The following ZNF532 variants were observed in gnomAD, a reference collection of about 807,000 sequenced individuals.
The protein encoded by ZNF532 is zinc finger protein 532.
Under a neutral mutation model 89.3 loss-of-function variants are expected in ZNF532, and 22 were observed. The observed-to-expected ratio is 0.25, with a 90% CI of 0.18 to 0.35. ZNF532 has a LOEUF of 0.35. Among genes scored for constraint, ZNF532 ranks in the 10% least tolerant of loss-of-function variants. The probability of loss-of-function intolerance (pLI) is 1.00; values close to 1 mark genes in which losing one functional copy is unlikely to be tolerated. For missense variants in ZNF532, 1,132 were observed against 1,643.4 expected, an observed-to-expected ratio of 0.69 and a Z score of 5.38; for synonymous variants, 606 against 649.6, an observed-to-expected ratio of 0.93 and a Z score of 1.02.
intron 2 of ZNF532, among the ~76,000 whole-genome samples, chr18:58,892,455 T>G (rs1174973995): frequency 1.3e-5 from 2 of 152,224 alleles, no homozygotes; most frequent in Non-Finnish European, 2.9e-5. Context: ...TGTATATTTA[T>G]GCTTATGTAT....
Position 58,979,090 on chromosome 18 carries a change from G to A in ZNF532, c.3186G>A (p.Lys1062=), listed in dbSNP as rs773700776. The stretch of plus-strand genomic sequence containing the variant: ...AACACCCCTGCCGCCAGTGTGACAA[G>A]TCTTTCAGCTCGTCCCACAGCCTGT... ...MKKHPCRQCD[K]SFSSSHSLCR... Residue 1062 remains lysine, a synonymous_variant, in exon 8 of 10, where the codon AAG becomes AAA. Transcript: ENST00000591808. 1 of 1,613,030 alleles carries A rather than the reference G, an allele frequency of 6.2e-7. No homozygotes were observed.
intron 7 of ZNF532, among the ~76,000 whole-genome samples, chr18:58,972,172 C>CCA (rs2066535011): frequency 6.6e-6 from 1 of 152,232 alleles, no homozygotes; most frequent in Non-Finnish European, 1.5e-5. Flanking sequence ...TACTGCACTC[C>CCA]AGCCTGGGCG....
chr18:58,963,776 C>T (rs936482346), intron 7 of ZNF532, among the ~76,000 whole-genome samples: 9 of 141,638 alleles, frequency 6.4e-5, no homozygotes, highest in East Asian at 2.0e-4. Flanking sequence ...GAGCCGCAGT[C>T]GTGTCACTGC....
intron 2 of ZNF532, among the ~76,000 whole-genome samples, chr18:58,909,770 C>CT (rs1361642937): frequency 6.6e-6 from 1 of 152,174 alleles, no homozygotes; most frequent in Non-Finnish European, 1.5e-5. Context: ...ACGGCATGCA[C>CT]TTTCATTTGG....
Position 58,918,958 on chromosome 18 carries a change from A to T in ZNF532, c.671A>T (p.Glu224Val), listed in dbSNP as rs755045661. 1 of 1,613,802 alleles carries T rather than the reference A, an allele frequency of 6.2e-7. No individual in the cohort carries two copies. The highest frequency in any genetic ancestry group is 1.1e-5 in the South Asian group (1 of 91,086). Residue 224 changes from glutamate to valine, a missense_variant, in exon 3 of 10, where the codon GAG becomes GTG. By Grantham distance (121) the Glu-to-Val change is moderately radical (BLOSUM62 -2). Around this residue, in one of 9 missense-constraint regions of ZNF532, gnomAD observed 302 missense variants for 319.8 expected, o/e 0.94. Coordinates refer to ENST00000591808, the MANE Select transcript of ZNF532 (RefSeq NM_001375912.1). ...VYEPFKVRKA[E>V]DKLKESSDKV... ...GAACCTTTTAAAGTCAGAAAAGCAG[A>T]GGATAAATTGAAGGAAAGCTCTGAC...
At chr18:58,932,578 A>G (rs948326574) in intron 3 of ZNF532, 4 of 152,104 alleles carry the variant, frequency 2.6e-5, no homozygotes, top group African/African-American at 9.7e-5. Flanking sequence ...TTCATTCATT[A>G]TATCCCCACC....
At chr18:58,941,984 C>CTCCTTCCCTTCCT (rs1555739625) in intron 5 of ZNF532, among the ~76,000 whole-genome samples, 54 of 135,212 alleles carry the variant, frequency 4.0e-4, no homozygotes, top group Admixed American at 5.2e-4. Flanking sequence ...CCCTCCTTCC[C>CTCCTTCCCTTCCT]TCCTTCCCTT....
chr18:58,913,093 A>G (rs1487169244), intron 2 of ZNF532, among the ~76,000 whole-genome samples: 1 of 152,204 alleles, frequency 6.6e-6, no homozygotes, highest in African/African-American at 2.4e-5. Flanking sequence ...AGTGGGATAA[A>G]AGCGGCAGAA....
intron 7 of ZNF532, among the ~76,000 whole-genome samples, chr18:58,972,793 A>G (rs2066603736): frequency 6.6e-6 from 1 of 152,194 alleles, no homozygotes; most frequent in South Asian, 2.1e-4. Context: ...AAATAAGCAG[A>G]GTTCCTCTGT....
intron 2 of ZNF532, among the ~76,000 whole-genome samples, chr18:58,892,002 G>A (rs958968878): frequency 5.9e-5 from 9 of 152,208 alleles, no homozygotes; most frequent in Non-Finnish European, 1.0e-4. Flanking sequence ...CTGGTTTACT[G>A]TGAAATCAAG....
chr18:58,930,013 G>C (rs1279099948), intron 3 of ZNF532, among the ~76,000 whole-genome samples: 1 of 152,142 alleles, frequency 6.6e-6, no homozygotes, highest in African/African-American at 2.4e-5. Flanking sequence ...TATTGTTTCT[G>C]CCTTTAGCTC....
intron 2 of ZNF532, among the ~76,000 whole-genome samples, chr18:58,900,622 G>C (rs1489511095): frequency 6.6e-6 from 1 of 152,146 alleles, no homozygotes; most frequent in Non-Finnish European, 1.5e-5. Context: ...GTGGTCACCT[G>C]CCCCTCCCTG....
At position 58,880,769 on chromosome 18, in the gene ZNF532, C is replaced by CGTGTGTGTGTGT. The variant is rs1188960384; in HGVS notation, c.-18+15191_-18+15192insTGTGTGTGTGTG. ...TCTCATAGGCGCGCGCGCACGCGCG[C>CGTGTGTGTGTGT]GCGTCTGTGTGTGTGTGTGTATGTT... On this transcript the variant is annotated intron_variant, in intron 2 of 9. Transcript: ENST00000591808. Among the ~76,000 whole-genome samples the CGTGTGTGTGTGT allele has an allele frequency of 5.3e-5, 7 of 131,198 alleles. 1 individual carries two copies. The East Asian group carries it at 2.3e-3, about 43-fold the overall frequency. 86.1% of individuals were successfully genotyped at this position (131,198 alleles called of 152,430 possible). A position where few individuals can be genotyped will look rare whatever the true frequency, so the allele number is the denominator to read the frequency against.
At chr18:58,885,136 GTGCCACCAC>G (rs1368006872) in intron 2 of ZNF532, among the ~76,000 whole-genome samples, 2 of 152,002 alleles carry the variant, frequency 1.3e-5, no homozygotes, top group African/African-American at 4.8e-5. Context: ...TTGCAGGCAT[GTGCCACCAC>G]GCCTGGCTAA....
At chr18:58,932,130 T>C (rs184064862) in intron 3 of ZNF532, among the ~76,000 whole-genome samples, 3 of 152,266 alleles carry the variant, frequency 2.0e-5, no homozygotes, top group Non-Finnish European at 2.9e-5. Context: ...ACTTCAGGAA[T>C]TGCAAAGTAT....
chr18:58,906,477 C>T (rs1267529715), intron 2 of ZNF532, among the ~76,000 whole-genome samples: 3 of 152,072 alleles, frequency 2.0e-5, no homozygotes, highest in Admixed American at 2.0e-4. Context: ...CCTTCTGACA[C>T]TATAAGATTC....
Position 58,895,955 on chromosome 18 carries a change from G to A in ZNF532, c.-17-22316G>A, listed in dbSNP as rs150403124. 1.8e-4 allele frequency among the ~76,000 whole-genome samples: 27 copies of A among 151,400 alleles called. 1 individual carries two copies. In the East Asian group the frequency reaches 4.7e-3, roughly 26 times the overall value. On this transcript the variant is annotated intron_variant, in intron 2 of 9. Coordinates refer to ENST00000591808, the MANE Select transcript of ZNF532 (RefSeq NM_001375912.1). ...CAGCCTTGAGCTCCTGGCCTCAAAC[G>A]GTCCTCCTACCTTAGCCTCCCAAGT...
At position 58,983,968 on chromosome 18, in the gene ZNF532, A is replaced by T; in HGVS notation, c.3412-4A>T. ...TCGTGTCATTTGCTTTCTTTCCCTG[A>T]AAGGTCCCCAGTCCCAAGCGGAAGT... is the stretch of plus-strand genomic sequence containing the variant. On this transcript the variant is annotated splice_region_variant and splice_polypyrimidine_tract_variant and intron_variant, in intron 9 of 9. Transcript: ENST00000591808. 6.3e-7 allele frequency: 1 copy of T among 1,598,778 alleles called. No homozygotes were observed.
At chr18:58,884,267 G>T (rs1249264957) in intron 2 of ZNF532, among the ~76,000 whole-genome samples, 1 of 152,218 alleles carries the variant, frequency 6.6e-6, no homozygotes, top group African/African-American at 2.4e-5. Context: ...TGTAATCCCA[G>T]CTACTTGGAG....
Sources: gnomAD v4.1 joint callset for allele counts (sites outside exome capture counted in the v4.1 genomes callset) on GRCh38, gnomAD v4.1.1 for gene constraint, gnomAD v4.1.1 regional missense constraint, MANE v1.5 for transcripts, NCBI Gene and HGNC (gene_info 2026-07-23, HGNC 2026-07-21) for gene names.